MAP3K1: variants seen among roughly 807,000 people sequenced by gnomAD.
MAP3K1 encodes MAP/ERK kinase kinase 1.
MAP3K1 carries 36 observed loss-of-function variants against 144.2 expected under a neutral mutation model. The observed-to-expected ratio is 0.25, with a 90% CI of 0.19 to 0.33. MAP3K1 has a LOEUF of 0.33. Among genes scored for constraint, MAP3K1 ranks in the 10% least tolerant of loss-of-function variants. The probability of loss-of-function intolerance (pLI) is 1.00; values close to 1 mark genes in which losing one functional copy is unlikely to be tolerated. For missense variants in MAP3K1, 1,650 were observed against 1,881.9 expected (o/e 0.88, Z 2.28); for synonymous variants, 718 against 688.7 (o/e 1.04, Z -0.67).
intron 1 of MAP3K1, among the ~76,000 whole-genome samples, chr5:56,821,224 T>C (rs1039867100): frequency 6.6e-6 from 1 of 152,228 alleles, no homozygotes; most frequent in African/African-American, 2.4e-5. Flanking sequence ...TTGTTAGTGA[T>C]TGAGTCCTTT....
Position 56,881,130 on chromosome 5 carries a change from G to C in MAP3K1, c.2227G>C (p.Gly743Arg). ...GVDYVLNCIL[G>R]NQTESNNWQE... ...TGATTATGTCTTAAATTGTATTCTT[G>C]GAAACCAAACTGAATCAAACAATTG... Residue 743 changes from glycine to arginine, a missense_variant, in exon 13 of 20, where the codon GGA (glycine) becomes CGA (arginine). Transcript: ENST00000399503. 1.2e-6 allele frequency: 2 copies of C among 1,613,560 alleles called. No individual in the cohort carries two copies. Among genetic ancestry groups the C allele is most frequent in the South Asian group, 2.2e-5 (2 of 91,058 alleles).
At chr5:56,846,516 C>T (rs891942764) in intron 1 of MAP3K1, among the ~76,000 whole-genome samples, 2 of 152,206 alleles carry the variant, frequency 1.3e-5, no homozygotes, top group African/African-American at 4.8e-5. Context: ...TGCTAGTCTT[C>T]TAGAGTTTTC....
chr5:56,870,571 C>T (rs1417768407), intron 6 of MAP3K1, among the ~76,000 whole-genome samples: 4 of 152,190 alleles, frequency 2.6e-5, no homozygotes, highest in Admixed American at 6.5e-5. Flanking sequence ...CATGCACGCA[C>T]GTTCCCCCAT....
chr5:56,878,558 A>G (rs868502803), intron 10 of MAP3K1, among the ~76,000 whole-genome samples: 3 of 152,132 alleles, frequency 2.0e-5, no homozygotes, highest in South Asian at 2.1e-4. Context: ...TACCTATTCA[A>G]TTTTTAATTT....
At chr5:56,836,139 C>G (rs549373319) in intron 1 of MAP3K1, among the ~76,000 whole-genome samples, 1 of 152,308 alleles carries the variant, frequency 6.6e-6, no homozygotes, top group South Asian at 2.1e-4. Context: ...GTGGACTCGA[C>G]TGAGGTTGAT....
intron 19 of MAP3K1, among the ~76,000 whole-genome samples, chr5:56,890,885 A>AC (rs1748528567): frequency 6.6e-6 from 1 of 151,766 alleles, no homozygotes; most frequent in Non-Finnish European, 1.5e-5. Flanking sequence ...CTCTACCAAA[A>AC]AAAAAAAAAA....
At chr5:56,866,971 C>T (rs888325482) in intron 6 of MAP3K1, among the ~76,000 whole-genome samples, 1 of 152,066 alleles carries the variant, frequency 6.6e-6, no homozygotes, top group African/African-American at 2.4e-5. Flanking sequence ...AAAGGTATAG[C>T]CAGAACCTGG....
chr5:56,885,043 G>A (rs537752883), intron 16 of MAP3K1, among the ~76,000 whole-genome samples: 51 of 152,116 alleles, frequency 3.4e-4, no homozygotes, highest in African/African-American at 1.2e-3. Context: ...AATTTTTCCA[G>A]TGTGTTTTTA....
At chr5:56,865,735 A>G (rs1369386472) in intron 5 of MAP3K1, 94 bp from the exon 6 acceptor site, 2 of 1,340,926 alleles carry the variant, frequency 1.5e-6, no homozygotes, top group Non-Finnish European at 2.1e-6. Context: ...TATGAAAAAC[A>G]TGCAAATTAA....
chr5:56,873,911 T>G (rs1579769752), intron 9 of MAP3K1, among the ~76,000 whole-genome samples: 1 of 152,198 alleles, frequency 6.6e-6, no homozygotes, highest in Admixed American at 6.5e-5. Context: ...TTTAATGAAC[T>G]ATTAATGAAC....
chr5:56,848,103 A>AG (rs869135706), intron 1 of MAP3K1, among the ~76,000 whole-genome samples: 2 of 14,728 alleles, frequency 1.4e-4, no homozygotes, highest in Non-Finnish European at 8.7e-4. Context: ...AATTGACTGC[A>AG]AAAAAAAAAT....
chr5:56,840,390 T>TAG (rs1746777555), intron 1 of MAP3K1, among the ~76,000 whole-genome samples: 1 of 152,146 alleles, frequency 6.6e-6, no homozygotes, highest in African/African-American at 2.4e-5. Flanking sequence ...TGAGGTGTTC[T>TAG]ACCCGCCTCG....
intron 1 of MAP3K1, among the ~76,000 whole-genome samples, chr5:56,844,474 C>T (rs1288367436): frequency 1.3e-5 from 2 of 152,024 alleles, no homozygotes; most frequent in African/African-American, 2.4e-5. Flanking sequence ...CCACCGTGCC[C>T]GGCCTAGGAT....
intron 1 of MAP3K1, among the ~76,000 whole-genome samples, chr5:56,823,197 G>A (rs909078566): frequency 6.6e-6 from 1 of 152,128 alleles, no homozygotes; most frequent in African/African-American, 2.4e-5. Context: ...GTCCCTGCCC[G>A]GTTGGGCCCC....
At chr5:56,827,156 C>G (rs1746341467) in intron 1 of MAP3K1, among the ~76,000 whole-genome samples, 1 of 152,160 alleles carries the variant, frequency 6.6e-6, no homozygotes, top group Non-Finnish European at 1.5e-5. Flanking sequence ...GTTCAGGTAA[C>G]TCGGCCAGAG....
chr5:56,826,334 A>G (rs1746313444), intron 1 of MAP3K1, among the ~76,000 whole-genome samples: 1 of 152,174 alleles, frequency 6.6e-6, no homozygotes, highest in Admixed American at 6.5e-5. Flanking sequence ...TAGATTTGCT[A>G]CTTTTAAGCC....
chr5:56,848,864 T>A lies in MAP3K1; in HGVS notation c.483-7736T>A, dbSNP rs1159953079. Reference sequence around the variant, plus strand: ...GCTTATATGTCTTGTTTATAATTAGTTGTGTTATTGTCTTTGTTACTTGAC... The same window carrying A: ...GCTTATATGTCTTGTTTATAATTAGATGTGTTATTGTCTTTGTTACTTGAC... On this transcript the variant is annotated intron_variant, in intron 1 of 19. Transcript: ENST00000399503. Among the ~76,000 whole-genome samples the A allele has an allele frequency of 2.0e-5, 3 of 152,164 alleles. No homozygotes were observed. In the East Asian group the frequency reaches 5.8e-4, roughly 29 times the overall value.
In MAP3K1 at chr5:56,815,935, G is replaced by GCGC. The variant is rs1745937491; in HGVS notation, c.364_366dup (p.Ala122dup). On this transcript the variant is annotated inframe_insertion, in exon 1 of 20. Coordinates refer to ENST00000399503, the MANE Select transcript of MAP3K1 (RefSeq NM_005921.2). Reference sequence around the variant, plus strand: ...CCCCACGGAGCCGCGAGCCGCGGCGGCGCCCACCTTACCGAGTCGGTGGCG... The same window carrying GCGC: ...CCCCACGGAGCCGCGAGCCGCGGCGGCGCCGCCCACCTTACCGAGTCGGTGGCG... 7.9e-7 allele frequency: 1 copy of GCGC among 1,263,406 alleles called. No individual in the cohort carries two copies. The highest frequency in any genetic ancestry group is 4.0e-5 in the Admixed American group (1 of 24,810). The allele number at this position is 1,263,406 out of a possible 1,614,324, so 78.3% of individuals were successfully genotyped here. A position where few individuals can be genotyped will look rare whatever the true frequency, so the allele number is the denominator to read the frequency against.
chr5:56,820,796 G>GT, intron 1 of MAP3K1: 11 of 985,358 alleles, frequency 1.1e-5, no homozygotes, highest in Non-Finnish European at 1.3e-5. Context: ...AAGATCATGA[G>GT]TGCACAAGCT....
Sources: allele counts gnomAD v4.1 joint callset (sites outside exome capture counted in the v4.1 genomes callset), GRCh38; gene constraint gnomAD v4.1.1; transcripts MANE v1.5; gene names NCBI Gene and HGNC (gene_info 2026-07-23, HGNC 2026-07-21).